The following CLEC7A variants were observed in gnomAD, a reference collection of about 807,000 sequenced individuals.
CLEC7A encodes the protein C-type lectin domain containing 7A, also known as C-type lectin domain family 7 member A.
A neutral mutation model predicts 26.9 loss-of-function variants in CLEC7A; 25 were observed. The observed-to-expected ratio is 0.93, with a 90% CI of 0.68 to 1.30. The LOEUF (loss-of-function observed/expected upper bound fraction) is 1.30, where lower values mean the gene tolerates loss of function less well. Among genes scored for constraint, CLEC7A ranks in the 50% most tolerant of loss-of-function variants. The pLI, the probability that CLEC7A is intolerant of heterozygous loss-of-function variation, is 0.00. For synonymous variants in CLEC7A, 100 were observed against 99.5 expected (o/e 1.01, Z -0.03); for missense variants, 275 against 286.7 (o/e 0.96, Z 0.29).
Position 10,120,652 on chromosome 12 carries a change from T to C in CLEC7A, c.612-2062A>G, listed in dbSNP as rs561230547. 1.5e-3 allele frequency among the ~76,000 whole-genome samples: 234 copies of C among 150,976 alleles called. 3 individuals carry two copies. In the East Asian group the frequency reaches 0.035, roughly 22 times the overall value. Reference sequence around the variant, plus strand: ...CATTTTGGCCAGGCTGGTATCGAACTCCAGAGATCAAGTGATCCGCCTGCC... The same window carrying C: ...CATTTTGGCCAGGCTGGTATCGAACCCCAGAGATCAAGTGATCCGCCTGCC... On this transcript the variant is annotated intron_variant, in intron 5 of 5. Transcript: ENST00000304084.
At chr12:10,122,721 C>T (rs1948134124) in intron 5 of CLEC7A, among the ~76,000 whole-genome samples, 1 of 152,068 alleles carries the variant, frequency 6.6e-6, no homozygotes, top group Admixed American at 6.6e-5. Context: ...AAACTCCTGA[C>T]CTCAAGTGAT....
At chr12:10,129,895 G>A (rs1948432163) in intron 1 of CLEC7A, 85 bp downstream of exon 1, 1 of 768,210 alleles carries the variant, frequency 1.3e-6, no homozygotes, top group Non-Finnish European at 2.2e-6. Context: ...TGGGATTACA[G>A]GTGTGAGCCA....
chr12:10,123,405 A>AGAAAGG (rs370481697), intron 4 of CLEC7A, 42 bp from the exon 5 acceptor site: 1 of 1,131,986 alleles, frequency 8.8e-7, no homozygotes, highest in Non-Finnish European at 1.3e-6. Context: ...AGAGAGAGAG[A>AGAAAGG]GAGAGAGAAA....
upstream of CLEC7A, chr12:10,130,245 C>G (rs567359393): frequency 1.7e-5 from 8 of 470,260 alleles, no homozygotes; most frequent in Admixed American, 2.1e-4. Context: ...ACCAGATATT[C>G]AAGAGCAGGA....
chr12:10,130,055 A>C lies in CLEC7A; in HGVS notation c.28T>G (p.Leu10Val). Reference protein sequence around the residue: MEYHPDLENLDEDGYTQLHF... With the variant: MEYHPDLENVDEDGYTQLHF... ...AATTGAGTATATCCATCTTCATCCA[A>C]ATTTTCTAAATCAGGATGATATTCC... The change falls in exon 1 of 6, where the codon TTG becomes GTG. Residue 10 changes from leucine to valine, a missense_variant. Physicochemically the swap from Leu to Val is conservative, Grantham distance 32 (BLOSUM62 1). Transcript: ENST00000304084. 1.2e-6 allele frequency: 2 copies of C among 1,601,594 alleles called. No individual in the cohort carries two copies. Among genetic ancestry groups the C allele is most frequent in the African/African-American group, 1.3e-5 (1 of 74,762 alleles).
In CLEC7A at chr12:10,116,984, A is replaced by G. The variant is rs908984576; in HGVS notation, c.*1474T>C. On this transcript the variant is annotated 3_prime_UTR_variant, in exon 6 of 6. Coordinates refer to ENST00000304084, the MANE Select transcript of CLEC7A (RefSeq NM_197947.3). ...GGGAAAGTATGAAAAAAATAAGACAAATCAGCACATGAGGAAATATAGTTT... is the reference window on the plus strand; with the variant it reads ...GGGAAAGTATGAAAAAAATAAGACAGATCAGCACATGAGGAAATATAGTTT... 7 of 152,216 alleles carry G rather than the reference A, an allele frequency of 4.6e-5. No homozygotes were observed. Among genetic ancestry groups the G allele is most frequent in the Admixed American group, 4.6e-4 (7 of 15,280 alleles). The allele number at this position is 152,216 out of a possible 1,614,324, so 9.4% of individuals were successfully genotyped here. A position where few individuals can be genotyped will look rare whatever the true frequency, so the allele number is the denominator to read the frequency against.
chr12:10,126,268 T>A, intron 3 of CLEC7A: 2 of 981,592 alleles, frequency 2.0e-6, no homozygotes, highest in Non-Finnish European at 2.4e-6. Context: ...TTCTTTTATT[T>A]GTATCAAATT....
At position 10,122,325 on chromosome 12, in the gene CLEC7A, G is replaced by A. The variant is rs574854094; in HGVS notation, c.611+920C>T. Among the ~76,000 whole-genome samples, 12 of 152,208 alleles carry A rather than the reference G, an allele frequency of 7.9e-5. 1 individual carries two copies. In the South Asian group the frequency reaches 2.1e-3, roughly 26 times the overall value. On this transcript the variant is annotated intron_variant, in intron 5 of 5. Coordinates refer to ENST00000304084, the MANE Select transcript of CLEC7A (RefSeq NM_197947.3). ...GTATCATCAGGCAAATGTGAAATACGTTTAAAATATCTTTCTAAAATGCAA... is the reference window on the plus strand; with the variant it reads ...GTATCATCAGGCAAATGTGAAATACATTTAAAATATCTTTCTAAAATGCAA...
At chr12:10,127,500 C>T (rs374749393) in intron 2 of CLEC7A, 127 of 1,528,734 alleles carry the variant, frequency 8.3e-5, no homozygotes, top group Non-Finnish European at 1.1e-4. Flanking sequence ...TTAGACAGAT[C>T]ACCCAAATTT....
chr12:10,126,553 C>CT lies in CLEC7A; in HGVS notation c.340+17dup, dbSNP rs1462217882. ...AACCCTCTTGAGTCAAGATTCCGTC[C>CT]TTTAACTATGCCCTTGCCTGTGGTT... On this transcript the variant is annotated intron_variant, in intron 3 of 5. Coordinates refer to ENST00000304084, the MANE Select transcript of CLEC7A (RefSeq NM_197947.3). 1 of 1,595,928 alleles carries CT rather than the reference C, an allele frequency of 6.3e-7. No individual in the cohort carries two copies. The highest frequency in any genetic ancestry group is 8.5e-7 in the Non-Finnish European group (1 of 1,172,100).
chr12:10,125,336 C>T lies in CLEC7A; in HGVS notation c.453G>A (p.Leu151=). ...WDGSKRQCWQ[L]GSNLLKIDSS... is the part of the protein sequence containing the mutation. ...TGTCTATCTTTAGGAGATTAGAGCCCAGTTGCCAGCATTGTCTTTTACTTC... is the reference window on the plus strand; with the variant it reads ...TGTCTATCTTTAGGAGATTAGAGCCTAGTTGCCAGCATTGTCTTTTACTTC... The change falls in exon 4 of 6, where the codon CTG becomes CTA. Residue 151 remains leucine (L), a synonymous_variant. Transcript: ENST00000304084. 5.6e-6 allele frequency: 9 copies of T among 1,613,792 alleles called. No individual in the cohort carries two copies. The highest frequency in any genetic ancestry group is 7.6e-6 in the Non-Finnish European group (9 of 1,179,944).
chr12:10,123,007 A>G (rs1948144932), intron 5 of CLEC7A, among the ~76,000 whole-genome samples: 1 of 151,916 alleles, frequency 6.6e-6, no homozygotes, highest in East Asian at 1.9e-4. Flanking sequence ...TAGTAAGAAA[A>G]CCAGAAGAAT....
intron 5 of CLEC7A, among the ~76,000 whole-genome samples, 186 bp from the exon 6 acceptor site, chr12:10,118,776 A>G (rs1947987828): frequency 6.6e-6 from 1 of 152,174 alleles, no homozygotes; most frequent in African/African-American, 2.4e-5. Flanking sequence ...CTCCATTATT[A>G]AGGCAGAAAA....
At chr12:10,126,870 G>T in intron 2 of CLEC7A, 162 bp from the exon 3 acceptor site, 1 of 587,638 alleles carries the variant, frequency 1.7e-6, no homozygotes, top group Non-Finnish European at 2.7e-6. Flanking sequence ...ACGATTGATA[G>T]AATAGATGAA....
chr12:10,126,983 C>T, intron 2 of CLEC7A: 2 of 1,271,042 alleles, frequency 1.6e-6, no homozygotes, highest in Non-Finnish European at 2.0e-6. Flanking sequence ...CAGCAAGAGG[C>T]AAATGTCATA....
At chr12:10,122,374 T>C (rs1948114232) in intron 5 of CLEC7A, among the ~76,000 whole-genome samples, 1 of 152,204 alleles carries the variant, frequency 6.6e-6, no homozygotes, top group African/African-American at 2.4e-5. Context: ...GGTTGCTTTT[T>C]AACTTAATAA....
chr12:10,127,021 A>G, intron 2 of CLEC7A: 1 of 1,396,018 alleles, frequency 7.2e-7, no homozygotes, highest in Non-Finnish European at 9.4e-7. Flanking sequence ...GACAGATTTG[A>G]AATAGCAACA....
rs71860807 is a variant in CLEC7A at position 10,128,207 on chromosome 12, AACACACACACAC to A, written c.104-374_104-363del. On this transcript the variant is annotated intron_variant, in intron 1 of 5. Transcript: ENST00000304084. ...AGGCAAAAAAGTGATACCCTGTTAA[AACACACACACAC>A]ACACACACACACACACACACACACA... 3.8e-5 allele frequency among the ~76,000 whole-genome samples: 5 copies of A among 132,862 alleles called. No individual in the cohort carries two copies. In the East Asian group the frequency reaches 8.5e-4, roughly 23 times the overall value. The allele number at this position is 132,862 out of a possible 152,430, so 87.2% of individuals were successfully genotyped here.
chr12:10,127,942 C>A, intron 1 of CLEC7A, 97 bp from the exon 2 acceptor site: 1 of 785,852 alleles, frequency 1.3e-6, no homozygotes, highest in South Asian at 1.8e-5. Flanking sequence ...TGGCCTTGCA[C>A]GGTGGCTCAC....
Sources: allele counts gnomAD v4.1 joint callset (sites outside exome capture counted in the v4.1 genomes callset), GRCh38; gene constraint gnomAD v4.1.1; transcripts MANE v1.5; gene names NCBI Gene and HGNC (gene_info 2026-07-23, HGNC 2026-07-21).